The following CCDC3 variants were observed in gnomAD, a reference collection of about 807,000 sequenced individuals.
The protein encoded by CCDC3 is coiled-coil domain-containing protein 3.
Under a neutral mutation model 21.4 loss-of-function variants are expected in CCDC3, and 24 were observed. The observed-to-expected ratio is 1.12, with a 90% CI of 0.81 to 1.58. CCDC3 has a LOEUF of 1.58. Among genes scored for constraint, CCDC3 ranks in the 40% most tolerant of loss-of-function variants. The pLI, the probability that CCDC3 is intolerant of heterozygous loss-of-function variation, is 0.00. For missense variants in CCDC3, 425 were observed against 360.9 expected, an observed-to-expected ratio of 1.18 and a Z score of -1.44; for synonymous variants, 186 against 166.0, an observed-to-expected ratio of 1.12 and a Z score of -0.93.
chr10:12,939,730 C>T (rs1834791686), intron 2 of CCDC3, among the ~76,000 whole-genome samples: 1 of 152,038 alleles, frequency 6.6e-6, no homozygotes, highest in Non-Finnish European at 1.5e-5. Flanking sequence ...AGAAAAATTG[C>T]TTGATATGAC....
chr10:13,091,780 C>T (rs920383397), intron 3 of CCDC3, among the ~76,000 whole-genome samples: 1 of 149,494 alleles, frequency 6.7e-6, no homozygotes, highest in Non-Finnish European at 1.5e-5. Flanking sequence ...TGGAAGTTCC[C>T]TAAGTGTCTG....
intron 2 of CCDC3, among the ~76,000 whole-genome samples, chr10:12,912,322 C>T (rs549755917): frequency 8.5e-5 from 13 of 152,188 alleles, no homozygotes; most frequent in Admixed American, 1.3e-4. Context: ...GCCCTTCTAA[C>T]GGGTGTGAGA....
rs561179173 is a variant in CCDC3, at chr10:12,902,317, A to AC, written c.550-3639dup. 3.9e-3 allele frequency among the ~76,000 whole-genome samples: 594 copies of AC among 152,010 alleles called. 1 individual carries two copies. Among genetic ancestry groups the AC allele is most frequent in the Non-Finnish European group, 5.9e-3 (403 of 67,966 alleles). On this transcript the variant is annotated intron_variant, in intron 2 of 2. Coordinates refer to ENST00000378825, the MANE Select transcript of CCDC3 (RefSeq NM_031455.4). The stretch of plus-strand genomic sequence containing the variant: ...ACTGCCCTCTTCTGGCCAAAATGAG[A>AC]CCCCCTCAAAAAGATGAGAAGGTGG...
chr10:12,933,549 C>T (rs1001982585), intron 2 of CCDC3, among the ~76,000 whole-genome samples: 34 of 150,984 alleles, frequency 2.3e-4, no homozygotes, highest in African/African-American at 8.0e-4. Flanking sequence ...CCTCTGCCTT[C>T]TGGGTTCAAG....
chr10:12,973,080 T>C (rs1041491684), intron 2 of CCDC3, among the ~76,000 whole-genome samples: 7 of 152,210 alleles, frequency 4.6e-5, no homozygotes, highest in Admixed American at 3.3e-4. Context: ...GCAGCTACCA[T>C]TGACTGTGCC....
chr10:13,045,814 G>C (rs1203712746), intron 5 of CCDC3, among the ~76,000 whole-genome samples: 3 of 152,166 alleles, frequency 2.0e-5, no homozygotes, highest in Non-Finnish European at 2.9e-5. Context: ...TAAGCGGCCA[G>C]GAGCAGCAGC....
intron 2 of CCDC3, among the ~76,000 whole-genome samples, chr10:12,979,833 A>T (rs554964096): frequency 6.6e-6 from 1 of 152,304 alleles, no homozygotes; most frequent in Admixed American, 6.5e-5. Context: ...TGTTCACTTC[A>T]GCTGACCTTC....
intron 5 of CCDC3, among the ~76,000 whole-genome samples, chr10:13,030,038 G>T (rs1001593575): frequency 7.2e-5 from 11 of 152,154 alleles, no homozygotes; most frequent in Non-Finnish European, 1.3e-4. Context: ...ACACATAATT[G>T]TCAGATTCAC....
intron 2 of CCDC3, among the ~76,000 whole-genome samples, chr10:12,982,121 C>CAAAAAAAAA (rs71386135): frequency 2.1e-4 from 7 of 33,254 alleles, no homozygotes; most frequent in African/African-American, 8.1e-4. Context: ...GACTCTGTCT[C>CAAAAAAAAA]AAAAAAAAAA....
chr10:12,993,707 T>C (rs903901579), intron 2 of CCDC3, among the ~76,000 whole-genome samples: 3 of 152,022 alleles, frequency 2.0e-5, no homozygotes, highest in Admixed American at 1.3e-4. Flanking sequence ...TCCCCCCAAG[T>C]CCTATTAACA....
chr10:13,095,795 C>G (rs983070128), intron 3 of CCDC3, among the ~76,000 whole-genome samples: 5 of 152,096 alleles, frequency 3.3e-5, no homozygotes, highest in African/African-American at 1.2e-4. Context: ...AAAATTCACC[C>G]CATTTGTAAA....
At chr10:13,077,144 T>C (rs1186196992) in intron 3 of CCDC3, among the ~76,000 whole-genome samples, 1 of 152,194 alleles carries the variant, frequency 6.6e-6, no homozygotes, top group Non-Finnish European at 1.5e-5. Flanking sequence ...CTTAAGCTGA[T>C]AAGCAACTTC....
intron 2 of CCDC3, among the ~76,000 whole-genome samples, chr10:12,972,108 A>T (rs1835352194): frequency 3.3e-5 from 5 of 152,150 alleles, no homozygotes; most frequent in Admixed American, 3.3e-4. Flanking sequence ...TGCTGCGTGC[A>T]GGACAGTAAC....
At chr10:13,013,938 G>A (rs1836016386) in intron 5 of CCDC3, among the ~76,000 whole-genome samples, 1 of 151,778 alleles carries the variant, frequency 6.6e-6, no homozygotes, top group Admixed American at 6.6e-5. Flanking sequence ...ATCACTTGAG[G>A]TCAGGAGCTT....
intron 2 of CCDC3, among the ~76,000 whole-genome samples, chr10:12,944,817 G>C (rs750958185): frequency 4.6e-5 from 7 of 152,216 alleles, no homozygotes; most frequent in Non-Finnish European, 1.0e-4. Flanking sequence ...GATACTTAAT[G>C]TCTCATTGTC....
intron 2 of CCDC3, among the ~76,000 whole-genome samples, chr10:12,983,129 T>TATATATA (rs1835529395): frequency 2.8e-5 from 1 of 35,476 alleles, no homozygotes. Flanking sequence ...AATAAAATAG[T>TATATATA]GTATATATAT....
At chr10:12,900,508 T>C (rs7903718) in intron 2 of CCDC3, among the ~76,000 whole-genome samples, 100,235 of 129,018 alleles carry the variant, frequency 0.78, 39,311 homozygotes, top group Middle Eastern at 0.83. Flanking sequence ...GAAACCCCAT[T>C]TCTACTAAAA....
intron 4 of CCDC3, among the ~76,000 whole-genome samples, chr10:13,060,425 G>A (rs901607315): frequency 1.3e-5 from 2 of 152,112 alleles, no homozygotes; most frequent in African/African-American, 4.8e-5. Context: ...AAAGGCCAAG[G>A]AGCAGAAGTC....
chr10:13,051,981 G>A (rs531380023), intron 4 of CCDC3, among the ~76,000 whole-genome samples: 1 of 152,164 alleles, frequency 6.6e-6, no homozygotes, highest in Non-Finnish European at 1.5e-5. Flanking sequence ...TTCTGCAGAA[G>A]TTGTGTATGC....
Sources: allele counts gnomAD v4.1 joint callset (sites outside exome capture counted in the v4.1 genomes callset), GRCh38; gene constraint gnomAD v4.1.1; transcripts MANE v1.5; gene names NCBI Gene and HGNC (gene_info 2026-07-23, HGNC 2026-07-21).